IPO11: variants seen among roughly 807,000 people sequenced by gnomAD.
IPO11 encodes the protein importin-11.
A neutral mutation model predicts 143.2 loss-of-function variants in IPO11; 66 were observed. That is an observed-to-expected ratio of 0.46 (90% CI 0.38 to 0.57). IPO11 has a LOEUF of 0.57. Ranked by LOEUF, IPO11 falls within the 20% of genes least tolerant of loss-of-function variation. The pLI, the probability that IPO11 is intolerant of heterozygous loss-of-function variation, is 0.00. For missense variants in IPO11, 1,026 were observed against 1,141.0 expected (o/e 0.90, Z 1.45); for synonymous variants, 385 against 377.8 (o/e 1.02, Z -0.22).
rs549881831 is a variant in IPO11 at position 62,546,607 on chromosome 5, C to A, written c.2251-3760C>A. ...GAACTTGAAGTATATAAAAAAAAAA[C>A]CACACACACACAATCTGTTGCAGGT... On this transcript the variant is annotated intron_variant, in intron 24 of 29. Coordinates refer to ENST00000325324, the MANE Select transcript of IPO11 (RefSeq NM_016338.5). Among the ~76,000 whole-genome samples, 104 of 151,546 alleles carry A rather than the reference C, an allele frequency of 6.9e-4. 2 individuals are homozygous for A. The East Asian group carries it at 0.013, about 19-fold the overall frequency.
intron 24 of IPO11, among the ~76,000 whole-genome samples, chr5:62,545,589 C>A (rs1016859439): frequency 1.3e-5 from 2 of 152,056 alleles, no homozygotes; most frequent in Non-Finnish European, 1.5e-5. Context: ...AAAAGCCAAC[C>A]TTGACAAATG....
chr5:62,617,274 A>G (rs1421062567), intron 29 of IPO11, among the ~76,000 whole-genome samples: 1 of 152,266 alleles, frequency 6.6e-6, no homozygotes, highest in Non-Finnish European at 1.5e-5. Context: ...GATTTCAAAT[A>G]GAAATCTCAT....
At chr5:62,515,939 A>G (rs1398741044) in intron 20 of IPO11, among the ~76,000 whole-genome samples, 2 of 152,198 alleles carry the variant, frequency 1.3e-5, no homozygotes, top group Non-Finnish European at 1.5e-5. Context: ...GATCTCAGAC[A>G]TTTTGACGTT....
rs368518005 is a variant in IPO11, at chr5:62,474,919, C to T, written c.757+455C>T. Reference sequence around the variant, plus strand: ...GGGAGGATTCTCGTCTGGGGCAGGACGGAGTGGGTCAGCTTGAGATTTATC... The same window carrying T: ...GGGAGGATTCTCGTCTGGGGCAGGATGGAGTGGGTCAGCTTGAGATTTATC... On this transcript the variant is annotated intron_variant, in intron 8 of 29. Coordinates refer to ENST00000325324, the MANE Select transcript of IPO11 (RefSeq NM_016338.5). 7.9e-5 allele frequency among the ~76,000 whole-genome samples: 12 copies of T among 152,218 alleles called. No individual in the cohort carries two copies. In the South Asian group the frequency reaches 2.1e-3, roughly 26 times the overall value.
chr5:62,555,635 C>T (rs561722319), intron 26 of IPO11, among the ~76,000 whole-genome samples: 1 of 152,084 alleles, frequency 6.6e-6, no homozygotes, highest in African/African-American at 2.4e-5. Context: ...TCCCAAGTAG[C>T]TGCGACTACA....
chr5:62,512,986 TTC>T (rs1260108595), intron 19 of IPO11, among the ~76,000 whole-genome samples: 25 of 149,230 alleles, frequency 1.7e-4, no homozygotes, highest in African/African-American at 6.2e-4. Flanking sequence ...GTCTACTTCT[TTC>T]TACACAGACA....
intron 1 of IPO11, among the ~76,000 whole-genome samples, chr5:62,420,527 T>A (rs1248893847): frequency 6.6e-6 from 1 of 152,156 alleles, no homozygotes; most frequent in Non-Finnish European, 1.5e-5. Context: ...TAAAGCTCCA[T>A]TAAAATCTTA....
chr5:62,612,701 C>G (rs764412187), intron 29 of IPO11, among the ~76,000 whole-genome samples: 2 of 152,076 alleles, frequency 1.3e-5, no homozygotes, highest in African/African-American at 2.4e-5. Flanking sequence ...AATTTCTGAT[C>G]CAGTAAATAT....
chr5:62,556,104 C>T (rs1410719586), intron 26 of IPO11, among the ~76,000 whole-genome samples: 1 of 152,122 alleles, frequency 6.6e-6, no homozygotes. Context: ...CTTTGGGCTG[C>T]TGTTAGCTTT....
At chr5:62,515,123 A>G (rs1211123672) in intron 19 of IPO11, among the ~76,000 whole-genome samples, 1 of 152,224 alleles carries the variant, frequency 6.6e-6, no homozygotes, top group Non-Finnish European at 1.5e-5. Flanking sequence ...GTTAACCTCT[A>G]AAGTGTTTTT....
chr5:62,542,226 G>A (rs900223268), intron 24 of IPO11, among the ~76,000 whole-genome samples: 3 of 151,962 alleles, frequency 2.0e-5, no homozygotes, highest in Non-Finnish European at 4.4e-5. Context: ...ATTTTTATAC[G>A]AATATTGCTG....
intron 5 of IPO11, among the ~76,000 whole-genome samples, chr5:62,463,400 A>T (rs932835856): frequency 1.3e-5 from 2 of 152,040 alleles, no homozygotes; most frequent in East Asian, 3.9e-4. Context: ...ATGGTAGCTT[A>T]TGCCTGTAAT....
At chr5:62,419,186 G>A in intron 1 of IPO11, 1 of 1,512,134 alleles carries the variant, frequency 6.6e-7, no homozygotes, top group South Asian at 1.2e-5. Flanking sequence ...AAAATACAGT[G>A]TAGAAGTAAA....
intron 16 of IPO11, among the ~76,000 whole-genome samples, chr5:62,499,565 C>CT (rs1044843852): frequency 1.5e-5 from 2 of 137,764 alleles, no homozygotes; most frequent in African/African-American, 5.3e-5. Context: ...ACATCTTACT[C>CT]TAACTTTTTT....
chr5:62,530,415 T>G (rs1317566893), intron 21 of IPO11, among the ~76,000 whole-genome samples: 1 of 152,192 alleles, frequency 6.6e-6, no homozygotes, highest in Non-Finnish European at 1.5e-5. Flanking sequence ...TGGATTTGGT[T>G]GAAAAAGTCT....
intron 29 of IPO11, among the ~76,000 whole-genome samples, chr5:62,614,709 C>CAT (rs1554058884): frequency 3.4e-4 from 51 of 151,302 alleles, no homozygotes; most frequent in Admixed American, 3.3e-3. Context: ...CCCAAGTGTG[C>CAT]GTGTGTGTGT....
chr5:62,575,653 C>G (rs1297035412), intron 27 of IPO11, among the ~76,000 whole-genome samples: 1 of 152,110 alleles, frequency 6.6e-6, no homozygotes, highest in South Asian at 2.1e-4. Flanking sequence ...GTATGCATCT[C>G]TCGTTAGAAT....
intron 5 of IPO11, among the ~76,000 whole-genome samples, chr5:62,463,794 C>T (rs1055099112): frequency 6.6e-6 from 1 of 151,010 alleles, no homozygotes; most frequent in Non-Finnish European, 1.5e-5. Flanking sequence ...ATAATATATA[C>T]TGATATACTG....
chr5:62,509,574 C>T (rs1385396414), intron 19 of IPO11, among the ~76,000 whole-genome samples: 1 of 152,186 alleles, frequency 6.6e-6, no homozygotes, highest in Non-Finnish European at 1.5e-5. Context: ...ACTTTTGCTA[C>T]AACATTCTAT....
Sources: gnomAD v4.1 joint callset for allele counts (sites outside exome capture counted in the v4.1 genomes callset) on GRCh38, gnomAD v4.1.1 for gene constraint, MANE v1.5 for transcripts, NCBI Gene and HGNC (gene_info 2026-07-23, HGNC 2026-07-21) for gene names.